Variants in DRC4 observed in about 807,000 individuals in gnomAD.
The protein encoded by DRC4 is GAS-11.
the DRC4 span, among the ~76,000 whole-genome samples, chr16:90,034,522 T>A: frequency 6.6e-6 from 1 of 152,014 alleles, no homozygotes; most frequent in African/African-American, 2.4e-5. Flanking sequence ...CTCGGGACGC[T>A]GAGGCAGAAG....
At chr16:90,043,562 G>A in the DRC4 span, 32 of 594,912 alleles carry the variant, frequency 5.4e-5, no homozygotes, top group Non-Finnish European at 7.9e-5. Context: ...CCTGGGTGCC[G>A]CACGTCCAGC....
chr16:90,023,812 T>G, the DRC4 span, among the ~76,000 whole-genome samples: 1 of 150,230 alleles, frequency 6.7e-6, no homozygotes. Context: ...GCCAACATGG[T>G]GAAAATCCAT....
chr16:90,019,788 C>T, the DRC4 span: 22 of 690,454 alleles, frequency 3.2e-5, no homozygotes, highest in Non-Finnish European at 5.3e-5. The surrounding 1 kb of genome is among the most constrained non-coding windows in gnomAD (Gnocchi z 6.1). Context: ...TGTGGGGCGC[C>T]GACTGTGTGC....
At chr16:90,022,484 T>A in the DRC4 span, 4 of 451,688 alleles carry the variant, frequency 8.9e-6, no homozygotes, top group African/African-American at 8.2e-5. Context: ...AAACATGCCC[T>A]GCAGCGAAAG....
At chr16:90,042,604 T>C in the DRC4 span, 1 of 1,356,308 alleles carries the variant, frequency 7.4e-7, no homozygotes, top group Non-Finnish European at 1.0e-6. Flanking sequence ...ATGCAGACGG[T>C]CTCTGAGGAC....
chr16:90,032,068 T>C, the DRC4 span, among the ~76,000 whole-genome samples: 25 of 150,152 alleles, frequency 1.7e-4, no homozygotes, highest in Admixed American at 3.3e-4. Context: ...GGCGACCAGG[T>C]GTGTACGGGA....
At chr16:90,042,360 C>G in the DRC4 span, 342 of 833,022 alleles carry the variant, frequency 4.1e-4, no homozygotes, top group Non-Finnish European at 6.4e-4. Context: ...TCCATCAAAC[C>G]AGGCTGCTAT....
chr16:90,036,122 G>A, the DRC4 span: 1 of 576,396 alleles, frequency 1.7e-6, no homozygotes, highest in Non-Finnish European at 3.0e-6. Flanking sequence ...ACATTCAGCT[G>A]TTGGCACCCC....
At chr16:90,044,170 T>G in the DRC4 span, 2 of 454,870 alleles carry the variant, frequency 4.4e-6, no homozygotes, top group South Asian at 3.1e-5. Flanking sequence ...CTGCGGCGGC[T>G]CCAGTGTGGG....
At chr16:90,030,173 G>C in the DRC4 span, among the ~76,000 whole-genome samples, 1 of 151,884 alleles carries the variant, frequency 6.6e-6, no homozygotes, top group African/African-American at 2.4e-5. Flanking sequence ...GAGTCTACTG[G>C]TTTTGTATAT....
the DRC4 span, among the ~76,000 whole-genome samples, chr16:90,034,709 T>TA: frequency 1.3e-5 from 2 of 151,140 alleles, no homozygotes; most frequent in African/African-American, 4.8e-5. Context: ...ATATAATAAT[T>TA]GTTCATTAAA....
the DRC4 span, chr16:90,029,040 TG>T: frequency 8.0e-7 from 1 of 1,257,708 alleles, no homozygotes. Flanking sequence ...GAGAATGGAT[TG>T]AACACTGCGT....
At chr16:90,032,852 C>G in the DRC4 span, 1 of 1,613,918 alleles carries the variant, frequency 6.2e-7, no homozygotes, top group Non-Finnish European at 8.5e-7. Context: ...TGCGCAAGGA[C>G]ATGCGGGCAC....
the DRC4 span, chr16:90,042,964 C>T: frequency 0.56 from 301,467 of 540,826 alleles, 90,539 homozygotes; most frequent in Middle Eastern, 0.68. Context: ...CCTCTGCCTC[C>T]GTCTCGTCAT....
chr16:90,024,828 AAAAAC>A, the DRC4 span, among the ~76,000 whole-genome samples: 2 of 152,108 alleles, frequency 1.3e-5, no homozygotes, highest in Non-Finnish European at 2.9e-5. Flanking sequence ...AACAAAAACA[AAAAAC>A]AAAAAAATGC....
At chr16:90,041,252 C>T in the DRC4 span, among the ~76,000 whole-genome samples, 1 of 152,240 alleles carries the variant, frequency 6.6e-6, no homozygotes, top group South Asian at 2.1e-4. Flanking sequence ...CCCTCCTTTC[C>T]TGGTCATTGT....
chr16:90,020,095 C>T, the DRC4 span: 101 of 624,600 alleles, frequency 1.6e-4, no homozygotes, highest in African/African-American at 1.6e-3. Flanking sequence ...TGTCCTCATT[C>T]ACTTCCCTCC....
chr16:90,041,321 A>G, the DRC4 span, among the ~76,000 whole-genome samples: 24 of 152,264 alleles, frequency 1.6e-4, 1 homozygote, highest in South Asian at 4.8e-3. Context: ...CCGCAGGGAC[A>G]CTGTTTGCTG....
the DRC4 span, among the ~76,000 whole-genome samples, chr16:90,030,111 A>G: frequency 6.6e-6 from 1 of 150,582 alleles, no homozygotes; most frequent in Non-Finnish European, 1.5e-5. Flanking sequence ...CCTGTCCTAC[A>G]TTTTTTTTTA....
Sources: allele counts gnomAD v4.1 joint callset (sites outside exome capture counted in the v4.1 genomes callset), GRCh38; gene constraint gnomAD v4.1.1; non-coding constraint Gnocchi (gnomAD v3.1); transcripts MANE v1.5; gene names NCBI Gene and HGNC (gene_info 2026-07-23, HGNC 2026-07-21).